FSTL4: variants seen among roughly 807,000 people sequenced by gnomAD.
FSTL4 encodes follistatin-related protein 4.
FSTL4 carries 28 observed loss-of-function variants against 78.2 expected under a neutral mutation model. The observed-to-expected ratio is 0.36, with a 90% CI of 0.27 to 0.49. FSTL4 has a LOEUF of 0.49. FSTL4 is among the 20% of genes least tolerant of loss of function. The probability of loss-of-function intolerance (pLI) is 0.98; values close to 1 mark genes in which losing one functional copy is unlikely to be tolerated. For missense variants in FSTL4, 922 were observed against 1,084.9 expected, an observed-to-expected ratio of 0.85 and a Z score of 2.11; for synonymous variants, 422 against 440.5, an observed-to-expected ratio of 0.96 and a Z score of 0.53.
At chr5:133,424,667 T>G (rs1291105959) in intron 3 of FSTL4, among the ~76,000 whole-genome samples, 1 of 152,194 alleles carries the variant, frequency 6.6e-6, no homozygotes, top group Non-Finnish European at 1.5e-5. Flanking sequence ...GGAAGGCTGG[T>G]CTGGACAGGG....
chr5:133,529,505 T>C (rs1024081039), intron 3 of FSTL4, among the ~76,000 whole-genome samples: 2 of 152,224 alleles, frequency 1.3e-5, no homozygotes, highest in African/African-American at 4.8e-5. Context: ...ACTGACATAA[T>C]GCTTACTATG....
chr5:133,392,662 G>C (rs999232361), intron 4 of FSTL4, among the ~76,000 whole-genome samples: 10 of 152,158 alleles, frequency 6.6e-5, no homozygotes, highest in African/African-American at 2.4e-4. Flanking sequence ...CTACCTAGGA[G>C]GATGCTGGGA....
intron 3 of FSTL4, among the ~76,000 whole-genome samples, chr5:133,550,837 G>A (rs1426802002): frequency 6.6e-6 from 1 of 152,182 alleles, no homozygotes; most frequent in Non-Finnish European, 1.5e-5. Context: ...TGTAATGGTG[G>A]CTGGAAATGT....
chr5:133,328,416 A>C (rs931372408), intron 4 of FSTL4, among the ~76,000 whole-genome samples: 1 of 152,214 alleles, frequency 6.6e-6, no homozygotes, highest in African/African-American at 2.4e-5. Flanking sequence ...CTATTAGAGA[A>C]AGCAAAATTG....
In FSTL4 at chr5:133,440,432, T is replaced by C. The variant is rs562226301; in HGVS notation, c.161-39446A>G. Among the ~76,000 whole-genome samples the C allele has an allele frequency of 2.6e-4, 39 of 152,330 alleles. 1 individual carries two copies. Among genetic ancestry groups the C allele is most frequent in the African/African-American group, 8.7e-4 (36 of 41,584 alleles). ...GGGGAGCTCTCAGCAGCCAGCCTAA[T>C]GTGGGGCTGCACTGAGCCCTTACAT... is the stretch of plus-strand genomic sequence containing the variant. On this transcript the variant is annotated intron_variant, in intron 3 of 15. Transcript: ENST00000265342. This position sits in a 1 kb window ranked among gnomAD's most constrained non-coding sequence, Gnocchi z 4.1.
the FSTL4 span, among the ~76,000 whole-genome samples, chr5:133,624,710 A>G: frequency 6.6e-6 from 1 of 151,802 alleles, no homozygotes; most frequent in East Asian, 1.9e-4. Context: ...TTTGATTTCT[A>G]TAGTTATGTC....
At chr5:133,519,035 G>A (rs1297085201) in intron 3 of FSTL4, among the ~76,000 whole-genome samples, 4 of 152,156 alleles carry the variant, frequency 2.6e-5, no homozygotes, top group Non-Finnish European at 5.9e-5. Context: ...AAAAGTATGA[G>A]ACCTGAAGGG....
At chr5:133,366,199 T>A (rs564926876) in intron 4 of FSTL4, among the ~76,000 whole-genome samples, 4 of 152,284 alleles carry the variant, frequency 2.6e-5, no homozygotes, top group South Asian at 2.1e-4. Context: ...TTGGTGTGGG[T>A]CTCTCTTTCC....
At chr5:133,383,749 T>C (rs1755633656) in intron 4 of FSTL4, among the ~76,000 whole-genome samples, 1 of 152,208 alleles carries the variant, frequency 6.6e-6, no homozygotes, top group Non-Finnish European at 1.5e-5. Flanking sequence ...CCAAGGCGGT[T>C]GATTAAATAC....
intron 13 of FSTL4, among the ~76,000 whole-genome samples, chr5:133,215,390 T>C (rs1210236574): frequency 6.6e-6 from 1 of 152,194 alleles, no homozygotes; most frequent in African/African-American, 2.4e-5. Context: ...TCGATATCTC[T>C]AGCTTAGGCC....
chr5:133,492,802 T>C (rs568930762), intron 3 of FSTL4, among the ~76,000 whole-genome samples: 1 of 152,206 alleles, frequency 6.6e-6, no homozygotes, highest in East Asian at 1.9e-4. Flanking sequence ...TAGACTACCC[T>C]ACTTGTTCTT....
At chr5:133,474,888 C>T (rs1196837932) in intron 3 of FSTL4, among the ~76,000 whole-genome samples, 1 of 152,200 alleles carries the variant, frequency 6.6e-6, no homozygotes, top group African/African-American at 2.4e-5. Flanking sequence ...CCACTTCCTC[C>T]CGGTGCTCCC....
At chr5:133,649,247 A>G in the FSTL4 span, among the ~76,000 whole-genome samples, 10 of 152,144 alleles carry the variant, frequency 6.6e-5, no homozygotes, top group African/African-American at 2.2e-4. Flanking sequence ...ATGTGCCACA[A>G]TCTATCCATT....
At chr5:133,706,226 C>A in the FSTL4 span, among the ~76,000 whole-genome samples, 1 of 152,174 alleles carries the variant, frequency 6.6e-6, no homozygotes, top group Non-Finnish European at 1.5e-5. Context: ...ATTGGAACAA[C>A]AAAACAAAAT....
chr5:133,527,254 A>G (rs1184046252), intron 3 of FSTL4, among the ~76,000 whole-genome samples: 3 of 152,216 alleles, frequency 2.0e-5, no homozygotes, highest in South Asian at 2.1e-4. Context: ...ATATTTTAGT[A>G]TAATGCTTGG....
At chr5:133,725,365 G>T in the FSTL4 span, among the ~76,000 whole-genome samples, 1 of 152,180 alleles carries the variant, frequency 6.6e-6, no homozygotes, top group African/African-American at 2.4e-5. Context: ...GTGCAGTGAT[G>T]GGGAAAATGG....
At chr5:133,576,755 G>A (rs1760290781) in intron 2 of FSTL4, among the ~76,000 whole-genome samples, 1 of 152,178 alleles carries the variant, frequency 6.6e-6, no homozygotes, top group Non-Finnish European at 1.5e-5. Flanking sequence ...GAACCAATTA[G>A]TACAGATGAG....
chr5:133,663,622 C>G, the FSTL4 span, among the ~76,000 whole-genome samples: 1 of 152,284 alleles, frequency 6.6e-6, no homozygotes, highest in East Asian at 1.9e-4. Flanking sequence ...TCATGACATG[C>G]CTTTCTGCTA....
the FSTL4 span, among the ~76,000 whole-genome samples, chr5:133,697,960 T>C: frequency 2.6e-5 from 4 of 152,236 alleles, no homozygotes; most frequent in African/African-American, 9.6e-5. Context: ...TCCAAGTCTT[T>C]ATCCTCAATA....
Sources: allele counts gnomAD v4.1 joint callset (sites outside exome capture counted in the v4.1 genomes callset), GRCh38; gene constraint gnomAD v4.1.1; non-coding constraint Gnocchi (gnomAD v3.1); transcripts MANE v1.5; gene names NCBI Gene and HGNC (gene_info 2026-07-23, HGNC 2026-07-21).